Variants in SLC39A12 observed in about 807,000 individuals in gnomAD.
The protein encoded by SLC39A12 is zinc transporter ZIP12.
Under a neutral mutation model 71.1 loss-of-function variants are expected in SLC39A12, and 63 were observed. That is an observed-to-expected ratio of 0.89 (90% confidence interval 0.72 to 1.09). The LOEUF is 1.09. Among genes scored for constraint, SLC39A12 ranks in the 50% least tolerant of loss-of-function variants. The probability of loss-of-function intolerance (pLI) is 0.00; values close to 1 mark genes in which losing one functional copy is unlikely to be tolerated. For missense variants in SLC39A12, 892 were observed against 812.6 expected (o/e 1.10, Z -1.19); for synonymous variants, 351 against 301.3 (o/e 1.16, Z -1.71).
chr10:18,025,540 A>G (rs1353816333), intron 12 of SLC39A12, among the ~76,000 whole-genome samples: 2 of 152,140 alleles, frequency 1.3e-5, no homozygotes, highest in African/African-American at 4.8e-5. Flanking sequence ...AGCTTCATCC[A>G]TGTCCCTACA....
chr10:17,967,621 C>A (rs181203180), intron 4 of SLC39A12, among the ~76,000 whole-genome samples: 2,058 of 152,088 alleles, frequency 0.014, 40 homozygotes, highest in African/African-American at 0.043. Flanking sequence ...CGGTGGCTCA[C>A]GCCTGTAATC....
chr10:17,996,650 A>C (rs1318547886), intron 10 of SLC39A12, among the ~76,000 whole-genome samples: 1 of 152,218 alleles, frequency 6.6e-6, no homozygotes, highest in Non-Finnish European at 1.5e-5. Context: ...GCGAGGTTAA[A>C]TCACTGCTCA....
At chr10:18,039,636 G>T (rs887395779) in intron 12 of SLC39A12, among the ~76,000 whole-genome samples, 2 of 152,144 alleles carry the variant, frequency 1.3e-5, no homozygotes, top group African/African-American at 4.8e-5. Context: ...GCTGAAGTGG[G>T]AGGATTGCTT....
At chr10:17,989,580 G>T (rs1054100620) in intron 7 of SLC39A12, among the ~76,000 whole-genome samples, 6 of 148,936 alleles carry the variant, frequency 4.0e-5, no homozygotes, top group African/African-American at 1.5e-4. Context: ...TCAGAGATTA[G>T]CTGGGTTTCC....
chr10:17,988,943 G>A (rs1835473431), intron 7 of SLC39A12, among the ~76,000 whole-genome samples: 2 of 152,102 alleles, frequency 1.3e-5, no homozygotes, highest in South Asian at 4.1e-4. Context: ...GCCCACCTCT[G>A]TAATAGTCTT....
intron 12 of SLC39A12, among the ~76,000 whole-genome samples, chr10:18,029,948 G>C (rs1259973460): frequency 6.6e-6 from 1 of 151,430 alleles, no homozygotes; most frequent in Non-Finnish European, 1.5e-5. Context: ...AATTAGATAG[G>C]GTTTGAGTTT....
intron 12 of SLC39A12, among the ~76,000 whole-genome samples, chr10:18,028,514 C>G (rs923921850): frequency 1.3e-5 from 2 of 152,050 alleles, no homozygotes. Flanking sequence ...GGACAAAATA[C>G]GAGTTCCAGA....
In SLC39A12 at chr10:17,993,446, C is replaced by G. The variant is rs1384490027; in HGVS notation, c.1533+155C>G. 3.3e-5 allele frequency among the ~76,000 whole-genome samples: 5 copies of G among 152,176 alleles called. No individual in the cohort carries two copies. The East Asian group carries it at 9.6e-4, about 29-fold the overall frequency. On this transcript the variant is annotated intron_variant, in intron 9 of 12. Coordinates refer to ENST00000377369, the MANE Select transcript of SLC39A12 (RefSeq NM_001145195.2). ...ATAAATACTGTTTAGAAAACTCTGC[C>G]AAGCACCTGAAAGCTGTTCTAAAGA...
At chr10:18,022,655 A>G (rs1836565529) in intron 12 of SLC39A12, among the ~76,000 whole-genome samples, 1 of 152,272 alleles carries the variant, frequency 6.6e-6, no homozygotes, top group Admixed American at 6.5e-5. Context: ...CATTCTGGTT[A>G]ACATCCATTA....
chr10:17,987,368 A>G (rs1835424219), intron 6 of SLC39A12, 111 bp from the exon 7 acceptor site: 1 of 894,894 alleles, frequency 1.1e-6, no homozygotes, highest in Non-Finnish European at 1.7e-6. Context: ...TAAAAAATCC[A>G]TATCCCTACT....
In SLC39A12 at chr10:17,992,176, T is replaced by A. The variant is rs543358516; in HGVS notation, c.1422+873T>A. ...TCCTAAATTTGTTCAAAATTCTGTT[T>A]TATGAATCAAAAAATAAAATGAATT... On this transcript the variant is annotated intron_variant, in intron 8 of 12. Coordinates refer to ENST00000377369, the MANE Select transcript of SLC39A12 (RefSeq NM_001145195.2). 5.3e-5 allele frequency among the ~76,000 whole-genome samples: 8 copies of A among 152,122 alleles called. No individual in the cohort carries two copies. The South Asian group carries it at 1.7e-3, about 32-fold the overall frequency.
At chr10:17,997,345 T>G (rs992289458) in intron 10 of SLC39A12, among the ~76,000 whole-genome samples, 2 of 152,206 alleles carry the variant, frequency 1.3e-5, no homozygotes, top group Non-Finnish European at 1.5e-5. Flanking sequence ...CATTAACTCA[T>G]GTAATTTATT....
chr10:17,962,105 G>A (rs1235920675), intron 3 of SLC39A12, among the ~76,000 whole-genome samples: 1 of 152,288 alleles, frequency 6.6e-6, no homozygotes, highest in East Asian at 1.9e-4. Flanking sequence ...CAGTCCAGGT[G>A]ACAGGTCAGC....
intron 4 of SLC39A12, among the ~76,000 whole-genome samples, chr10:17,969,482 T>C (rs1415542774): frequency 6.6e-6 from 1 of 152,194 alleles, no homozygotes; most frequent in Non-Finnish European, 1.5e-5. Flanking sequence ...TATAACCCGT[T>C]TTAACAGGGG....
rs1008382212 is a variant in SLC39A12, at chr10:18,043,178, G to A, written c.*345G>A. 1 of 157,320 alleles carries A rather than the reference G, an allele frequency of 6.4e-6. No individual in the cohort carries two copies. Among genetic ancestry groups the A allele is most frequent in the African/African-American group, 2.4e-5 (1 of 41,580 alleles). 9.7% of individuals were successfully genotyped at this position (157,320 alleles called of 1,614,324 possible). A position where few individuals can be genotyped will look rare whatever the true frequency, so the allele number is the denominator to read the frequency against. ...TAGAATTTAAAGTGGACAGATGCCT[G>A]TTGGAGTAAAATCAACTGCAACTTT... On this transcript the variant is annotated 3_prime_UTR_variant, in exon 13 of 13. Transcript: ENST00000377369.
In SLC39A12 at chr10:18,003,310, C is replaced by A. The variant is rs1479768480; in HGVS notation, c.1899C>A (p.Ile633=). The A allele has an allele frequency of 6.2e-7, 1 of 1,613,954 alleles. No homozygotes were observed. The highest frequency in any genetic ancestry group is 1.7e-5 in the Admixed American group (1 of 60,000). Residue 633 remains isoleucine (I), a synonymous_variant, in exon 12 of 13, where the codon ATC becomes ATA. Coordinates refer to ENST00000377369, the MANE Select transcript of SLC39A12 (RefSeq NM_001145195.2). ...CTGATCCATGTGTTCAAGACTGGAT[C>A]TTCACAGTCACTGCTGGGATGTTCT... The part of the protein sequence containing the change: ...VSADPCVQDW[I]FTVTAGMFLY...
chr10:17,970,616 T>TA (rs1834944083), intron 4 of SLC39A12, among the ~76,000 whole-genome samples: 2 of 152,092 alleles, frequency 1.3e-5, no homozygotes, highest in Non-Finnish European at 2.9e-5. Flanking sequence ...CTACCGATTT[T>TA]TGTATGTTGA....
At chr10:18,020,037 T>C (rs1257334390) in intron 12 of SLC39A12, among the ~76,000 whole-genome samples, 2 of 152,050 alleles carry the variant, frequency 1.3e-5, no homozygotes, top group African/African-American at 4.8e-5. Context: ...GCAAGTATGT[T>C]ACATGGGTAA....
chr10:17,952,800 C>G (rs1206928548), intron 1 of SLC39A12, among the ~76,000 whole-genome samples: 1 of 152,174 alleles, frequency 6.6e-6, no homozygotes, highest in Non-Finnish European at 1.5e-5. Context: ...AACTTTTAAA[C>G]TCAACATGAT....
Sources: allele counts gnomAD v4.1 joint callset (sites outside exome capture counted in the v4.1 genomes callset), GRCh38; gene constraint gnomAD v4.1.1; transcripts MANE v1.5; gene names NCBI Gene and HGNC (gene_info 2026-07-23, HGNC 2026-07-21).